Variants in IGFL2 observed in about 807,000 individuals in gnomAD.
The protein encoded by IGFL2 is insulin growth factor-like family member 2.
In IGFL2, 7 loss-of-function variants were observed where a neutral mutation model predicts 13.9. The observed-to-expected ratio is 0.51, with a 90% CI of 0.29 to 0.95. IGFL2 has a LOEUF of 0.95. IGFL2 is among the 40% of genes least tolerant of loss of function. The probability of loss-of-function intolerance (pLI) is 0.08; values close to 1 mark genes in which losing one functional copy is unlikely to be tolerated. For missense variants in IGFL2, 138 were observed against 147.8 expected (o/e 0.93, Z 0.34); for synonymous variants, 55 against 55.8 (o/e 0.99, Z 0.07).
chr19:46,110,164 T>C, the IGFL2 span, among the ~76,000 whole-genome samples: 3 of 152,154 alleles, frequency 2.0e-5, no homozygotes, highest in Non-Finnish European at 4.4e-5. Flanking sequence ...TAAACCTGAG[T>C]TATGAACCTG....
chr19:46,099,905 A>G, the IGFL2 span, among the ~76,000 whole-genome samples: 3 of 151,818 alleles, frequency 2.0e-5, no homozygotes, highest in Admixed American at 6.6e-5. Context: ...AAGCTCTGAT[A>G]TTTATCCTTC....
At chr19:46,135,972 G>A in the IGFL2 span, among the ~76,000 whole-genome samples, 2 of 152,172 alleles carry the variant, frequency 1.3e-5, no homozygotes. Context: ...TTAGCCTAAT[G>A]GGATTCCCTT....
the IGFL2 span, among the ~76,000 whole-genome samples, chr19:46,094,514 G>C: frequency 2.1e-5 from 3 of 144,568 alleles, no homozygotes; most frequent in Non-Finnish European, 4.5e-5. Flanking sequence ...TTTTTTTTTT[G>C]TGTGTTTTTA....
At chr19:46,199,477 G>T in the IGFL2 span, among the ~76,000 whole-genome samples, 1 of 152,160 alleles carries the variant, frequency 6.6e-6, no homozygotes, top group Non-Finnish European at 1.5e-5. Context: ...GTGTGCAAAG[G>T]CTTTTTTGAC....
chr19:46,190,531 G>A, the IGFL2 span: 17 of 152,358 alleles, frequency 1.1e-4, no homozygotes, highest in Admixed American at 3.9e-4. Flanking sequence ...AGACAGTCAA[G>A]GGAATGGGGA....
chr19:46,215,238 T>A, the IGFL2 span, among the ~76,000 whole-genome samples: 1 of 152,206 alleles, frequency 6.6e-6, no homozygotes, highest in Non-Finnish European at 1.5e-5. Context: ...TTATGGTGAA[T>A]TTTACTAACT....
the IGFL2 span, chr19:46,214,812 T>C: frequency 6.6e-6 from 1 of 152,104 alleles, no homozygotes; most frequent in Non-Finnish European, 1.5e-5. Context: ...GGATCTTATG[T>C]AGTAAGAATA....
At chr19:46,191,645 T>C in the IGFL2 span, among the ~76,000 whole-genome samples, 7 of 152,098 alleles carry the variant, frequency 4.6e-5, no homozygotes, top group Admixed American at 2.0e-4. Context: ...CTCCTTTTTT[T>C]CTCCAAAAGA....
chr19:46,084,380 G>C, the IGFL2 span, among the ~76,000 whole-genome samples: 1 of 152,162 alleles, frequency 6.6e-6, no homozygotes, highest in African/African-American at 2.4e-5. Flanking sequence ...GTCCATTGCT[G>C]AAAGTGGGGT....
At chr19:46,124,596 A>G in the IGFL2 span, 56 of 1,590,870 alleles carry the variant, frequency 3.5e-5, 1 homozygote, top group Middle Eastern at 5.0e-4. Flanking sequence ...ATGAGATGAG[A>G]TGATGTTTGG....
At chr19:46,180,284 T>C in the IGFL2 span, among the ~76,000 whole-genome samples, 10 of 151,116 alleles carry the variant, frequency 6.6e-5, no homozygotes, top group Non-Finnish European at 1.2e-4. Flanking sequence ...GTTCAAGCAA[T>C]TCTCCTGCCA....
At chr19:46,086,323 CT>C in the IGFL2 span, among the ~76,000 whole-genome samples, 5 of 151,538 alleles carry the variant, frequency 3.3e-5, no homozygotes, top group Non-Finnish European at 7.4e-5. Flanking sequence ...TCATAAATTC[CT>C]TTTTTTTCTT....
At chr19:46,109,579 G>C in the IGFL2 span, among the ~76,000 whole-genome samples, 1 of 152,164 alleles carries the variant, frequency 6.6e-6, no homozygotes, top group Non-Finnish European at 1.5e-5. Flanking sequence ...GCCTCCCAAA[G>C]TGCTGGGATT....
At chr19:46,093,393 G>A in the IGFL2 span, among the ~76,000 whole-genome samples, 1 of 152,098 alleles carries the variant, frequency 6.6e-6, no homozygotes, top group African/African-American at 2.4e-5. Flanking sequence ...AGAAATATCA[G>A]GGACCTTGCT....
upstream of IGFL2, among the ~76,000 whole-genome samples, chr19:46,146,750 G>A (rs1023251885): frequency 4.6e-5 from 7 of 152,066 alleles, no homozygotes; most frequent in Non-Finnish European, 8.8e-5. Flanking sequence ...GTTCTTGCCA[G>A]TATAAAGGAA....
the IGFL2 span, among the ~76,000 whole-genome samples, chr19:46,110,014 A>G: frequency 6.2e-3 from 944 of 152,302 alleles, 10 homozygotes; most frequent in African/African-American, 0.021. Flanking sequence ...TGAGCTGCAT[A>G]ACAAAGGTCA....
At chr19:46,166,815 T>C in the IGFL2 span, among the ~76,000 whole-genome samples, 79,291 of 152,118 alleles carry the variant, frequency 0.52, 21,261 homozygotes, top group Middle Eastern at 0.63. Context: ...CTGTTCTGCC[T>C]GGCTCACCGG....
chr19:46,209,093 T>G, the IGFL2 span: 5 of 135,074 alleles, frequency 3.7e-5, no homozygotes, highest in East Asian at 1.1e-3. Context: ...GTCTGTGTCC[T>G]CCCCAGACTA....
chr19:46,083,446 TTAA>T, the IGFL2 span, among the ~76,000 whole-genome samples: 1 of 152,244 alleles, frequency 6.6e-6, no homozygotes, highest in Non-Finnish European at 1.5e-5. Context: ...TACATTTATA[TTAA>T]TATGTATGCA....
Sources: allele counts gnomAD v4.1 joint callset (sites outside exome capture counted in the v4.1 genomes callset), GRCh38; gene constraint gnomAD v4.1.1; transcripts MANE v1.5; gene names NCBI Gene and HGNC (gene_info 2026-07-23, HGNC 2026-07-21).